The following CRPPA variants were observed in gnomAD, a reference collection of about 807,000 sequenced individuals.
CRPPA encodes the protein D-ribitol-5-phosphate cytidylyltransferase.
A neutral mutation model predicts 52.0 loss-of-function variants in CRPPA; 43 were observed. That is an observed-to-expected ratio of 0.83 (90% CI 0.65 to 1.07). The LOEUF (loss-of-function observed/expected upper bound fraction) is 1.07, where lower values mean the gene tolerates loss of function less well. CRPPA is among the 50% of genes least tolerant of loss of function. The probability of loss-of-function intolerance (pLI) is 0.00; values close to 1 mark genes in which losing one functional copy is unlikely to be tolerated. For missense variants in CRPPA, 629 were observed against 551.7 expected (o/e 1.14, Z -1.40); for synonymous variants, 250 against 203.5 (o/e 1.23, Z -1.94).
At position 16,328,042 on chromosome 7, in the gene CRPPA, T is replaced by A. The variant is rs1408122231; in HGVS notation, c.685-19415A>T. 2.0e-5 allele frequency among the ~76,000 whole-genome samples: 3 copies of A among 152,242 alleles called. No individual in the cohort carries two copies. The South Asian group carries it at 6.2e-4, about 32-fold the overall frequency. ...AGATTTCCTGTTTTTGTTTCTCCTT[T>A]CATCATATCTAATGCTTTTAAAATC... On this transcript the variant is annotated intron_variant, in intron 3 of 9. Transcript: ENST00000407010.
intron 8 of CRPPA, among the ~76,000 whole-genome samples, chr7:16,225,556 G>A (rs1000381989): frequency 1.3e-5 from 2 of 151,730 alleles, no homozygotes; most frequent in African/African-American, 4.8e-5. Context: ...AATCACCAAA[G>A]TTACCAAAAA....
intron 8 of CRPPA, among the ~76,000 whole-genome samples, chr7:16,246,843 G>GACTT (rs1463071775): frequency 6.6e-6 from 1 of 152,220 alleles, no homozygotes; most frequent in Non-Finnish European, 1.5e-5. Context: ...ACAGAGAGTA[G>GACTT]ACTTAGCATA....
intron 5 of CRPPA, among the ~76,000 whole-genome samples, chr7:16,279,360 T>C (rs992116129): frequency 6.6e-6 from 1 of 152,180 alleles, no homozygotes; most frequent in African/African-American, 2.4e-5. Context: ...CCAGGAGCTA[T>C]ATGGTATATA....
chr7:16,375,335 CT>C (rs1437820296), intron 3 of CRPPA, among the ~76,000 whole-genome samples: 2 of 152,132 alleles, frequency 1.3e-5, no homozygotes, highest in African/African-American at 2.4e-5. Context: ...TGGGAAGTTT[CT>C]GACAAGCTCA....
chr7:16,219,179 C>T (rs1334151829), intron 8 of CRPPA, among the ~76,000 whole-genome samples: 22 of 151,856 alleles, frequency 1.4e-4, no homozygotes, highest in Admixed American at 1.2e-3. Flanking sequence ...GAACAACCTG[C>T]TCCTGAATGA....
intron 1 of CRPPA, 27 bp from the exon 2 acceptor site, chr7:16,406,364 G>A (rs528275813): frequency 2.8e-5 from 44 of 1,582,416 alleles, no homozygotes; most frequent in South Asian, 1.6e-4. Context: ...TGTACAATTC[G>A]TAAATTAATT....
At chr7:16,290,371 C>G (rs997898113) in intron 5 of CRPPA, among the ~76,000 whole-genome samples, 1 of 151,806 alleles carries the variant, frequency 6.6e-6, no homozygotes, top group Non-Finnish European at 1.5e-5. Flanking sequence ...AAGAACAAAG[C>G]TAGATGCATC....
intron 9 of CRPPA, among the ~76,000 whole-genome samples, chr7:16,114,295 T>TACACACACAC (rs140597697): frequency 6.8e-6 from 1 of 147,056 alleles, no homozygotes; most frequent in African/African-American, 2.5e-5. Context: ...CACGCACACA[T>TACACACACAC]ACACACACAC....
chr7:16,192,327 G>C (rs1316971313), intron 9 of CRPPA, among the ~76,000 whole-genome samples: 2 of 151,982 alleles, frequency 1.3e-5, no homozygotes, highest in Admixed American at 6.6e-5. Context: ...AAGGTTCTGA[G>C]GCAGCCTAAG....
chr7:16,153,304 T>C (rs1290226259), intron 9 of CRPPA, among the ~76,000 whole-genome samples: 1 of 152,082 alleles, frequency 6.6e-6, no homozygotes, highest in African/African-American at 2.4e-5. Flanking sequence ...CCACAATCTG[T>C]GAGCAAAGTC....
chr7:16,178,401 G>C (rs1443274473), intron 9 of CRPPA, among the ~76,000 whole-genome samples: 4 of 152,012 alleles, frequency 2.6e-5, no homozygotes, highest in Admixed American at 6.6e-5. Flanking sequence ...TAATGCTTCA[G>C]AATTTAAAAT....
chr7:16,403,551 G>A (rs766406527), intron 2 of CRPPA, among the ~76,000 whole-genome samples: 12 of 151,970 alleles, frequency 7.9e-5, no homozygotes, highest in Non-Finnish European at 1.6e-4. Context: ...TACCTAGGAA[G>A]AAAAAATAAT....
chr7:16,392,482 C>G (rs1787471178), intron 2 of CRPPA, among the ~76,000 whole-genome samples: 1 of 152,102 alleles, frequency 6.6e-6, no homozygotes, highest in Non-Finnish European at 1.5e-5. Flanking sequence ...CAACCATATT[C>G]CAAGCATTAT....
At chr7:16,269,989 T>C (rs1784054412) in intron 6 of CRPPA, 1 of 152,162 alleles carries the variant, frequency 6.6e-6, no homozygotes, top group Admixed American at 6.5e-5. Flanking sequence ...TATACAACAT[T>C]CTTCAAAATC....
intron 3 of CRPPA, among the ~76,000 whole-genome samples, chr7:16,374,918 T>C (rs1426856895): frequency 6.6e-6 from 1 of 152,224 alleles, no homozygotes; most frequent in Non-Finnish European, 1.5e-5. Context: ...CCTTCTATTC[T>C]TAGATCAATT....
intron 9 of CRPPA, among the ~76,000 whole-genome samples, chr7:16,106,519 C>T (rs76573402): frequency 0.036 from 5,510 of 152,246 alleles, 324 homozygotes; most frequent in African/African-American, 0.12. Context: ...CCCCACCTGA[C>T]ATTTGAGCAA....
At chr7:16,350,332 T>C (rs1038235298) in intron 3 of CRPPA, among the ~76,000 whole-genome samples, 1 of 152,056 alleles carries the variant, frequency 6.6e-6, no homozygotes, top group Non-Finnish European at 1.5e-5. Context: ...AGAAGTACAT[T>C]GTCAAATCCA....
intron 9 of CRPPA, among the ~76,000 whole-genome samples, chr7:16,177,214 T>C (rs1781320545): frequency 6.6e-6 from 1 of 152,126 alleles, no homozygotes; most frequent in South Asian, 2.1e-4. Context: ...AACTGTTTTG[T>C]ACCCTAGTTG....
At chr7:16,256,548 T>C (rs1356623603) in intron 8 of CRPPA, among the ~76,000 whole-genome samples, 1 of 151,962 alleles carries the variant, frequency 6.6e-6, no homozygotes, top group Non-Finnish European at 1.5e-5. Context: ...ATAAAGAAAA[T>C]ATGGCACATA....
Sources: allele counts gnomAD v4.1 joint callset (sites outside exome capture counted in the v4.1 genomes callset), GRCh38; gene constraint gnomAD v4.1.1; transcripts MANE v1.5; gene names NCBI Gene and HGNC (gene_info 2026-07-23, HGNC 2026-07-21).